PPP1R16A: variants seen among roughly 807,000 people sequenced by gnomAD.
PPP1R16A encodes the protein protein phosphatase 1 regulatory subunit 16A, also known as myosin phosphatase-targeting subunit 3.
PPP1R16A carries 39 observed loss-of-function variants against 46.6 expected under a neutral mutation model. The ratio of observed to expected loss-of-function variants is 0.84; its 90% CI spans 0.65 to 1.09. The LOEUF is 1.09. Ranked by LOEUF, PPP1R16A falls within the 50% of genes least tolerant of loss-of-function variation. PPP1R16A has a pLI of 0.00. For synonymous variants in PPP1R16A, 413 were observed against 321.5 expected (o/e 1.28, Z -3.04); for missense variants, 798 against 735.6 (o/e 1.08, Z -0.98).
intron 2 of PPP1R16A, among the ~76,000 whole-genome samples, chr8:144,490,809 C>T (rs1825782987): frequency 6.6e-6 from 1 of 152,196 alleles, no homozygotes; most frequent in African/African-American, 2.4e-5. Context: ...GATCACAACA[C>T]TTTGGGAGGC....
At chr8:144,492,580 C>T (rs1285777451) in intron 2 of PPP1R16A, among the ~76,000 whole-genome samples, 2 of 152,052 alleles carry the variant, frequency 1.3e-5, no homozygotes, top group African/African-American at 4.8e-5. Context: ...CGTGATCTGC[C>T]CACCTCGGCC....
At chr8:144,486,172 C>A (rs1825620658) in intron 1 of PPP1R16A, among the ~76,000 whole-genome samples, 1 of 152,134 alleles carries the variant, frequency 6.6e-6, no homozygotes, top group Non-Finnish European at 1.5e-5. Context: ...TGAGACAGAG[C>A]CTCACACTGT....
chr8:144,498,481 T>C (rs1175435400), intron 3 of PPP1R16A: 1 of 446,078 alleles, frequency 2.2e-6, no homozygotes, highest in African/African-American at 2.0e-5. Flanking sequence ...GGTGTGGGAT[T>C]GTTGGAGTGC....
At chr8:144,481,188 C>T (rs1207490091) in intron 1 of PPP1R16A, among the ~76,000 whole-genome samples, 2 of 152,044 alleles carry the variant, frequency 1.3e-5, no homozygotes, top group East Asian at 3.9e-4. Context: ...CGCGCCCGGC[C>T]TGTTTGATGG....
chr8:144,494,659 C>T (rs1825970287), intron 2 of PPP1R16A, among the ~76,000 whole-genome samples: 1 of 152,094 alleles, frequency 6.6e-6, no homozygotes, highest in Non-Finnish European at 1.5e-5. Flanking sequence ...GCAAGGGCAG[C>T]CTGCCTTGCT....
chr8:144,501,081 C>T, intron 10 of PPP1R16A, 48 bp from the exon 11 acceptor site: 6 of 1,587,268 alleles, frequency 3.8e-6, no homozygotes, highest in Non-Finnish European at 5.1e-6. Context: ...GGGCGGGGTC[C>T]TCCGGGCACT....
chr8:144,478,639 G>C (rs1320978099), intron 1 of PPP1R16A: 1 of 152,640 alleles, frequency 6.6e-6, no homozygotes, highest in African/African-American at 2.4e-5. Flanking sequence ...AGCTTTGTGT[G>C]GGCCTTGGAG....
Position 144,501,531 on chromosome 8 carries a change from C to G in PPP1R16A, c.1215C>G (p.Pro405=), listed in dbSNP as rs1465846412. 1.3e-6 allele frequency: 2 copies of G among 1,565,048 alleles called. No individual in the cohort carries two copies. Among genetic ancestry groups the G allele is most frequent in the Non-Finnish European group, 1.7e-6 (2 of 1,155,304 alleles). Reference sequence around the variant, plus strand: ...TTCACTGCCCGCAGGAGGACAACCCCGAAGTGGTCAGGCCGCACAATGGCC... The same window carrying G: ...TTCACTGCCCGCAGGAGGACAACCCGGAAGTGGTCAGGCCGCACAATGGCC... ...LRPPPPEEDN[P]EVVRPHNGRV... The change falls in exon 12 of 12, where the codon CCC becomes CCG. Residue 405 remains proline (P), a synonymous_variant. Transcript: ENST00000435887.
intron 1 of PPP1R16A, among the ~76,000 whole-genome samples, chr8:144,484,510 T>C (rs1015961365): frequency 6.6e-6 from 1 of 152,268 alleles, no homozygotes; most frequent in Admixed American, 6.5e-5. Flanking sequence ...TCTTCAGTTC[T>C]CGTTGAGTCT....
At chr8:144,501,008 GGCCCCGCGGACGTCA>G (rs1826414524) in intron 10 of PPP1R16A, 37 bp downstream of exon 10, 2 of 1,453,598 alleles carry the variant, frequency 1.4e-6, no homozygotes, top group East Asian at 5.5e-5. Context: ...CCCCGGGCTT[GGCCCCGCGGACGTCA>G]GCCCCGGGCG....
chr8:144,498,352 C>T (rs1406070398), intron 3 of PPP1R16A: 3 of 339,414 alleles, frequency 8.8e-6, no homozygotes, highest in Non-Finnish European at 1.8e-5. Flanking sequence ...TGGGGAGCCT[C>T]AGGTCAGGTC....
At chr8:144,489,860 T>G (rs1210402813) in intron 1 of PPP1R16A, among the ~76,000 whole-genome samples, 174 bp from the exon 2 acceptor site, 1 of 152,226 alleles carries the variant, frequency 6.6e-6, no homozygotes, top group African/African-American at 2.4e-5. Context: ...TCAGGAGGTC[T>G]CTAGACATTT....
rs199966200 is a variant in PPP1R16A at position 144,500,677 on chromosome 8, C to G, written c.832-9C>G. On this transcript the variant is annotated splice_polypyrimidine_tract_variant and intron_variant, in intron 8 of 11. Transcript: ENST00000435887. ...GCAGCAGTCTGCAGCTCCGGCCTGCCGTCCACAGGTGCCCCTGGTGGAGCT... is the reference window on the plus strand; with the variant it reads ...GCAGCAGTCTGCAGCTCCGGCCTGCGGTCCACAGGTGCCCCTGGTGGAGCT... 7.5e-6 allele frequency: 12 copies of G among 1,609,770 alleles called. No homozygotes were observed. Among genetic ancestry groups the G allele is most frequent in the African/African-American group, 1.3e-5 (1 of 74,900 alleles).
chr8:144,498,162 C>G, intron 3 of PPP1R16A: 1 of 441,522 alleles, frequency 2.3e-6, no homozygotes, highest in South Asian at 1.6e-5. Context: ...CCCGGGAGGC[C>G]TGGAGGCAGA....
intron 2 of PPP1R16A, chr8:144,496,221 C>G (rs1826058710): frequency 2.0e-5 from 3 of 152,366 alleles, no homozygotes; most frequent in Admixed American, 2.0e-4. Context: ...GTGGGAGGAG[C>G]CTGACATGCC....
chr8:144,490,783 G>C (rs1006245941), intron 2 of PPP1R16A, among the ~76,000 whole-genome samples: 6 of 152,244 alleles, frequency 3.9e-5, no homozygotes, highest in African/African-American at 1.2e-4. Context: ...GGCCAGGCAT[G>C]GTGATGCATG....
rs191787282 is a variant in PPP1R16A at position 144,495,103 on chromosome 8, G to C, written c.-734-1358G>C. ...TCTTTACTTGGCAGGCAGAAAGCCA[G>C]GTCAGGGCCACTGGCCTTATTGGCC... On this transcript the variant is annotated intron_variant, in intron 2 of 11. Transcript: ENST00000435887. Among the ~76,000 whole-genome samples the C allele has an allele frequency of 1.1e-4, 16 of 152,358 alleles. No homozygotes were observed. The East Asian group carries it at 2.9e-3, about 28-fold the overall frequency.
At position 144,492,322 on chromosome 8, in the gene PPP1R16A, T is replaced by A. The variant is rs528399796; in HGVS notation, c.-735+2110T>A. Among the ~76,000 whole-genome samples, 565 of 149,098 alleles carry A rather than the reference T, an allele frequency of 3.8e-3. 6 individuals are homozygous for A. Among genetic ancestry groups the A allele is most frequent in the African/African-American group, 0.013 (528 of 40,366 alleles). ...GGGTGGCGTCCTAGAAATGGGGCTGTCAAAAGGTGTACTTTTTTTTTTTTT... is the reference window on the plus strand; with the variant it reads ...GGGTGGCGTCCTAGAAATGGGGCTGACAAAAGGTGTACTTTTTTTTTTTTT... On this transcript the variant is annotated intron_variant, in intron 2 of 11. Transcript: ENST00000435887.
intron 1 of PPP1R16A, among the ~76,000 whole-genome samples, chr8:144,489,575 G>A (rs1825734130): frequency 6.6e-6 from 1 of 152,082 alleles, no homozygotes; most frequent in Non-Finnish European, 1.5e-5. Flanking sequence ...TTAATGCTGG[G>A]GCCTCCCTCC....
Sources: allele counts gnomAD v4.1 joint callset (sites outside exome capture counted in the v4.1 genomes callset), GRCh38; gene constraint gnomAD v4.1.1; transcripts MANE v1.5; gene names NCBI Gene and HGNC (gene_info 2026-07-23, HGNC 2026-07-21).